Variants in KCNT2 observed in about 807,000 individuals in gnomAD.
The protein encoded by KCNT2 is potassium sodium-activated channel subfamily T member 2, also known as potassium channel subfamily T member 2.
KCNT2 carries 67 observed loss-of-function variants against 153.8 expected under a neutral mutation model. That is an observed-to-expected ratio of 0.44 (90% confidence interval 0.36 to 0.53). The LOEUF is 0.53. Ranked by LOEUF, KCNT2 falls within the 20% of genes least tolerant of loss-of-function variation. The pLI is 0.00. For missense variants in KCNT2, 975 were observed against 1,354.8 expected, an observed-to-expected ratio of 0.72 and a Z score of 4.40; for synonymous variants, 500 against 458.8, an observed-to-expected ratio of 1.09 and a Z score of -1.15.
chr1:196,535,156 C>T (rs2148857754), intron 1 of KCNT2, among the ~76,000 whole-genome samples: 1 of 152,294 alleles, frequency 6.6e-6, no homozygotes, highest in African/African-American at 2.4e-5. Flanking sequence ...TGGATGTTCT[C>T]ACAAAATCAG....
intron 9 of KCNT2, among the ~76,000 whole-genome samples, chr1:196,429,312 C>T (rs562119277): frequency 6.6e-6 from 1 of 151,370 alleles, no homozygotes; most frequent in Non-Finnish European, 1.5e-5. Context: ...AATTAAGTAC[C>T]CTATACTAAA....
intron 5 of KCNT2, among the ~76,000 whole-genome samples, chr1:196,475,175 A>G (rs555021116): frequency 6.6e-6 from 1 of 152,344 alleles, no homozygotes; most frequent in South Asian, 2.1e-4. Flanking sequence ...ACATATGTAA[A>G]CAAATACAAG....
At position 196,502,345 on chromosome 1, in the gene KCNT2, AT is replaced by A. The variant is rs576086773; in HGVS notation, c.96-10005del. ...ACATTGCATAATGAAGGAAAGATTA[AT>A]TTTGATGACATTTAGTAGCATTGTC... On this transcript the variant is annotated intron_variant, in intron 1 of 27. Transcript: ENST00000294725. 1.8e-4 allele frequency among the ~76,000 whole-genome samples: 28 copies of A among 152,342 alleles called. No homozygotes were observed. In the South Asian group the frequency reaches 5.6e-3, roughly 30 times the overall value.
intron 1 of KCNT2, among the ~76,000 whole-genome samples, chr1:196,510,420 A>T (rs780027397): frequency 1.6e-4 from 24 of 151,998 alleles, no homozygotes; most frequent in Non-Finnish European, 3.1e-4. Flanking sequence ...GAGCCCACAC[A>T]ATTTACCCTA....
chr1:196,528,571 G>T (rs1572733174), intron 1 of KCNT2, among the ~76,000 whole-genome samples: 1 of 152,144 alleles, frequency 6.6e-6, no homozygotes, highest in East Asian at 1.9e-4. Flanking sequence ...TTACTCATGG[G>T]TTCGTACCCA....
intron 1 of KCNT2, among the ~76,000 whole-genome samples, chr1:196,587,449 G>T (rs1662822568): frequency 6.6e-6 from 1 of 151,982 alleles, no homozygotes. Context: ...TGACATTAAA[G>T]AAGCATATGA....
intron 25 of KCNT2, among the ~76,000 whole-genome samples, chr1:196,275,764 A>G (rs1230514397): frequency 6.6e-6 from 1 of 151,968 alleles, no homozygotes; most frequent in Non-Finnish European, 1.5e-5. Context: ...GTTTATCCTT[A>G]TGTAAAAAGC....
chr1:196,262,847 T>C (rs549670404), intron 25 of KCNT2, among the ~76,000 whole-genome samples: 1 of 152,182 alleles, frequency 6.6e-6, no homozygotes, highest in Admixed American at 6.5e-5. Context: ...TAAGCTGTGT[T>C]TTCAACCACC....
At chr1:196,402,305 A>G (rs1189347769) in intron 12 of KCNT2, among the ~76,000 whole-genome samples, 1 of 151,620 alleles carries the variant, frequency 6.6e-6, no homozygotes, top group Non-Finnish European at 1.5e-5. Flanking sequence ...ACTTCTATAA[A>G]ATATATAATC....
chr1:196,454,513 C>G (rs1676490003), intron 8 of KCNT2, among the ~76,000 whole-genome samples: 1 of 151,954 alleles, frequency 6.6e-6, no homozygotes, highest in African/African-American at 2.4e-5. Flanking sequence ...TGATGGCCTT[C>G]AGCTGCATCT....
At chr1:196,330,413 C>T (rs926197487) in intron 18 of KCNT2, among the ~76,000 whole-genome samples, 2 of 151,816 alleles carry the variant, frequency 1.3e-5, no homozygotes, top group Admixed American at 6.6e-5. Context: ...AATTACATGA[C>T]TTGTAAGTGG....
intron 25 of KCNT2, among the ~76,000 whole-genome samples, chr1:196,261,875 C>T (rs551713718): frequency 1.6e-4 from 25 of 151,624 alleles, no homozygotes; most frequent in Non-Finnish European, 3.2e-4. Context: ...GTGAGAATGA[C>T]GAAAATACAT....
chr1:196,419,653 C>T (rs929132015), intron 12 of KCNT2, among the ~76,000 whole-genome samples: 2 of 151,794 alleles, frequency 1.3e-5, no homozygotes, highest in Non-Finnish European at 1.5e-5. Context: ...CAAACTTTTG[C>T]CAGGATACAA....
intron 26 of KCNT2, among the ~76,000 whole-genome samples, chr1:196,243,233 C>G (rs1214814376): frequency 6.6e-6 from 1 of 152,138 alleles, no homozygotes; most frequent in Non-Finnish European, 1.5e-5. Flanking sequence ...TAGCTTTCTT[C>G]TTTTCATTGC....
chr1:196,428,553 A>G (rs559216108), intron 9 of KCNT2, among the ~76,000 whole-genome samples: 1 of 152,246 alleles, frequency 6.6e-6, no homozygotes, highest in South Asian at 2.1e-4. Flanking sequence ...TATGTCCAGT[A>G]GAGCTGAGTG....
intron 5 of KCNT2, among the ~76,000 whole-genome samples, 179 bp downstream of exon 5, chr1:196,479,000 C>T (rs1182111351): frequency 6.6e-6 from 1 of 152,148 alleles, no homozygotes. Flanking sequence ...ATTTGTAAGT[C>T]ATCAAGGAAA....
chr1:196,345,176 C>T (rs369364363), intron 14 of KCNT2, among the ~76,000 whole-genome samples: 194 of 152,022 alleles, frequency 1.3e-3, no homozygotes, highest in South Asian at 2.3e-3. Context: ...GGGAGAGGGC[C>T]AACAATAAAC....
intron 1 of KCNT2, among the ~76,000 whole-genome samples, chr1:196,549,122 T>G (rs1657551053): frequency 6.6e-6 from 1 of 152,062 alleles, no homozygotes; most frequent in South Asian, 2.1e-4. Context: ...ACCTGCACAT[T>G]GTGCACATGT....
intron 25 of KCNT2, among the ~76,000 whole-genome samples, chr1:196,273,741 G>A (rs773541896): frequency 2.0e-5 from 3 of 151,736 alleles, no homozygotes; most frequent in Non-Finnish European, 3.0e-5. Flanking sequence ...TAATAGTAGA[G>A]TGTTAATGAT....
Sources: allele counts gnomAD v4.1 joint callset (sites outside exome capture counted in the v4.1 genomes callset), GRCh38; gene constraint gnomAD v4.1.1; transcripts MANE v1.5; gene names NCBI Gene and HGNC (gene_info 2026-07-23, HGNC 2026-07-21).